Variants in PRRC2C observed in about 807,000 individuals in gnomAD.
PRRC2C encodes the protein protein PRRC2C.
PRRC2C carries 72 observed loss-of-function variants against 317.2 expected under a neutral mutation model. The ratio of observed to expected loss-of-function variants is 0.23; its 90% confidence interval spans 0.19 to 0.28. The LOEUF (loss-of-function observed/expected upper bound fraction) is 0.28. PRRC2C is among the 10% of genes least tolerant of loss of function. PRRC2C has a pLI of 1.00. For synonymous variants in PRRC2C, 1,296 were observed against 1,205.9 expected (o/e 1.07, Z -1.55); for missense variants, 3,074 against 3,459.7 (o/e 0.89, Z 2.80).
At chr1:171,529,968 C>T (rs1157591163) in intron 11 of PRRC2C, among the ~76,000 whole-genome samples, 2 of 152,112 alleles carry the variant, frequency 1.3e-5, no homozygotes, top group Non-Finnish European at 2.9e-5. Context: ...CCATCGTTTC[C>T]AGCAATCCCT....
chr1:171,492,652 T>G (rs1667368049), intron 1 of PRRC2C, among the ~76,000 whole-genome samples: 1 of 152,174 alleles, frequency 6.6e-6, no homozygotes, highest in Non-Finnish European at 1.5e-5. Flanking sequence ...TGATCAGTAG[T>G]GGGATAGCCA....
At position 171,542,074 on chromosome 1, in the gene PRRC2C, A is replaced by G; in HGVS notation, c.4608A>G (p.Pro1536=). ...VVKVGENVLP[P]KREIAKRSFS... ...AGGTTGGAGAGAATGTTCTACCTCC[A>G]AAGAGGGAAATTGCAAAGAGAAGTT... Residue 1536 remains proline, a synonymous_variant, in exon 16 of 35, where the codon CCA becomes CCG. Coordinates refer to ENST00000647382, the MANE Select transcript of PRRC2C (RefSeq NM_001387844.1). The G allele has an allele frequency of 6.2e-7, 1 of 1,613,978 alleles. No individual in the cohort carries two copies. The highest frequency in any genetic ancestry group is 1.1e-5 in the South Asian group (1 of 91,078).
At chr1:171,591,398 TG>T in intron 34 of PRRC2C, 188 bp from the exon 35 acceptor site, 2 of 399,036 alleles carry the variant, frequency 5.0e-6, no homozygotes, top group East Asian at 6.1e-5. Context: ...TTAAATCACA[TG>T]AAATATTTCA....
chr1:171,572,220 C>A (rs1558029316), intron 24 of PRRC2C, among the ~76,000 whole-genome samples: 1 of 151,988 alleles, frequency 6.6e-6, no homozygotes. Context: ...GAACTCTGGG[C>A]TCCAGCGATC....
intron 5 of PRRC2C, 111 bp downstream of exon 5, chr1:171,515,970 A>G (rs1043325112): frequency 1.2e-5 from 14 of 1,190,906 alleles, no homozygotes; most frequent in Non-Finnish European, 1.6e-5. Context: ...GAAAAGGCAG[A>G]CTTTGTACTA....
chr1:171,561,096 C>A lies in PRRC2C; in HGVS notation c.6110C>A (p.Ser2037Ter). 6.3e-7 allele frequency: 1 copy of A among 1,591,044 alleles called. No individual in the cohort carries two copies. The highest frequency in any genetic ancestry group is 8.6e-7 in the Non-Finnish European group (1 of 1,159,144). ...TTAACATCGTTTGGATCAGCTCCTT[C>A]ATCAGAGGTAAGAATAGGCTTTTAA... is the stretch of plus-strand genomic sequence containing the variant. ...KPLTSFGSAP[S>*]SEGAKNGQES... The change falls in exon 20 of 35, where the codon TCA becomes TAA. Residue 2037 changes from serine to a stop codon, truncating the protein, a stop_gained. Coordinates refer to ENST00000647382, the MANE Select transcript of PRRC2C (RefSeq NM_001387844.1). LOFTEE classifies it high-confidence loss of function.
rs1306619833 is a variant in PRRC2C at position 171,522,168 on chromosome 1, T to C, written c.751-9T>C. On this transcript the variant is annotated splice_polypyrimidine_tract_variant and intron_variant, in intron 6 of 34. Coordinates refer to ENST00000647382, the MANE Select transcript of PRRC2C (RefSeq NM_001387844.1). ...AAATTTATCACAATTTTTTGTTTCC[T>C]TCATTCAGATGTTCCAACAGTATCC... is the stretch of plus-strand genomic sequence containing the variant. 9.3e-6 allele frequency: 14 copies of C among 1,512,978 alleles called. No homozygotes were observed. Among genetic ancestry groups the C allele is most frequent in the Non-Finnish European group, 1.1e-5 (12 of 1,113,698 alleles). 93.7% of individuals were successfully genotyped at this position (1,512,978 alleles called of 1,614,324 possible).
chr1:171,495,721 T>TG lies in PRRC2C; in HGVS notation c.-58+9989dup, dbSNP rs1667970317. ...TGGAACTAGGAGTGTGGTGAATATT[T>TG]GGGCTTTTTTATTTTAAATGGGCAA... On this transcript the variant is annotated intron_variant, in intron 1 of 34. Coordinates refer to ENST00000647382, the MANE Select transcript of PRRC2C (RefSeq NM_001387844.1). Among the ~76,000 whole-genome samples, 3 of 152,328 alleles carry TG rather than the reference T, an allele frequency of 2.0e-5. No individual in the cohort carries two copies. The South Asian group carries it at 6.2e-4, about 32-fold the overall frequency.
At chr1:171,544,676 G>T (rs1385012134) in intron 16 of PRRC2C, among the ~76,000 whole-genome samples, 1 of 152,118 alleles carries the variant, frequency 6.6e-6, no homozygotes, top group African/African-American at 2.4e-5. Flanking sequence ...CAAGATTTTT[G>T]TGCCACATAG....
chr1:171,589,723 G>A (rs772196561), intron 34 of PRRC2C, 118 bp downstream of exon 34: 5 of 578,280 alleles, frequency 8.6e-6, no homozygotes, highest in Non-Finnish European at 1.3e-5. Context: ...ACTTAACCAA[G>A]CTAACTACTT....
chr1:171,499,273 A>G (rs1668654338), intron 1 of PRRC2C, among the ~76,000 whole-genome samples: 2 of 152,222 alleles, frequency 1.3e-5, no homozygotes, highest in African/African-American at 4.8e-5. Context: ...AGTGCCTGGT[A>G]TATGGTAGAC....
In PRRC2C at chr1:171,524,888, A is replaced by G. The variant is rs1477455782; in HGVS notation, c.1123A>G (p.Thr375Ala). The stretch of plus-strand genomic sequence containing the variant: ...AAAAGAAACAGATGAAGTTTCCAAC[A>G]CTAAATCATCTTCCCAAATACCTGC... ...NKKETDEVSN[T>A]KSSSQIPAQP... The change falls in exon 10 of 35, where the codon ACT (threonine) becomes GCT (alanine). Residue 375 changes from threonine to alanine, a missense_variant. Physicochemically the swap from Thr to Ala is moderately conservative, Grantham distance 58. This residue lies in a region of PRRC2C where 1,320 missense variants were observed against 1,395.7 expected (regional missense o/e 0.95). Transcript: ENST00000647382. 8 of 1,609,898 alleles carry G rather than the reference A, an allele frequency of 5.0e-6. No individual in the cohort carries two copies. The highest frequency in any genetic ancestry group is 6.8e-6 in the Non-Finnish European group (8 of 1,177,786).
intron 32 of PRRC2C, 44 bp downstream of exon 32, chr1:171,587,795 C>T (rs1650391907): frequency 7.1e-7 from 1 of 1,407,006 alleles, no homozygotes; most frequent in Non-Finnish European, 1.0e-6. Context: ...CCAATTTGGT[C>T]ACTATTTGTT....
intron 9 of PRRC2C, 79 bp from the exon 10 acceptor site, chr1:171,524,742 T>C: frequency 7.3e-7 from 1 of 1,375,716 alleles, no homozygotes; most frequent in South Asian, 1.6e-5. Context: ...ACAGAAATAA[T>C]TTTTTTAATT....
rs939724114 is a variant in PRRC2C at position 171,558,334 on chromosome 1, T to C, written c.6031+191T>C. On this transcript the variant is annotated intron_variant, in intron 19 of 34. Coordinates refer to ENST00000647382, the MANE Select transcript of PRRC2C (RefSeq NM_001387844.1). ...CATGTTTAACAAGCATATTATATTT[T>C]ATGGAAATAATTTTGTGTTGATGAG... Among the ~76,000 whole-genome samples the C allele has an allele frequency of 1.5e-4, 22 of 151,576 alleles. No homozygotes were observed. The South Asian group carries it at 4.4e-3, about 30-fold the overall frequency.
chr1:171,518,036 C>T (rs925651656), intron 6 of PRRC2C, among the ~76,000 whole-genome samples: 2 of 152,220 alleles, frequency 1.3e-5, no homozygotes, highest in Non-Finnish European at 1.5e-5. Context: ...CGTTACCACG[C>T]AGTGTTTCTT....
In PRRC2C at chr1:171,541,188, G is replaced by C. The variant is rs767212763; in HGVS notation, c.3722G>C (p.Arg1241Pro). Reference protein sequence around the residue: ...EHIPSGPLRQREESETRSESS... With the variant: ...EHIPSGPLRQPEESETRSESS... ...ATACCCTCAGGGCCTCTCAGACAGC[G>C]AGAAGAAAGTGAAACACGGAGTGAG... Residue 1241 changes from arginine to proline, a missense_variant, in exon 16 of 35, where the codon CGA becomes CCA. Coordinates refer to ENST00000647382, the MANE Select transcript of PRRC2C (RefSeq NM_001387844.1). This position sits in a 1 kb window ranked among gnomAD's most constrained non-coding sequence, Gnocchi z 4.1. 6.2e-7 allele frequency: 1 copy of C among 1,612,794 alleles called. No individual in the cohort carries two copies. The highest frequency in any genetic ancestry group is 8.5e-7 in the Non-Finnish European group (1 of 1,179,574).
intron 10 of PRRC2C, among the ~76,000 whole-genome samples, chr1:171,525,172 A>T (rs1474539438): frequency 6.6e-6 from 1 of 152,224 alleles, no homozygotes; most frequent in Non-Finnish European, 1.5e-5. Context: ...AAAGTTATCA[A>T]GTGAAAACTA....
At chr1:171,510,482 C>T (rs1359723685) in intron 1 of PRRC2C, 1 of 152,044 alleles carries the variant, frequency 6.6e-6, no homozygotes, top group Non-Finnish European at 1.5e-5. Context: ...TTACTGTCCT[C>T]TTTTGTCACT....
Sources: gnomAD v4.1 joint callset for allele counts (sites outside exome capture counted in the v4.1 genomes callset) on GRCh38, gnomAD v4.1.1 for gene constraint, gnomAD v4.1.1 regional missense constraint, Gnocchi (gnomAD v3.1) non-coding constraint, MANE v1.5 for transcripts, NCBI Gene and HGNC (gene_info 2026-07-23, HGNC 2026-07-21) for gene names.